ZNF467: variants seen among roughly 807,000 people sequenced by gnomAD.
ZNF467 encodes zinc finger protein EZI.
Under a neutral mutation model 47.8 loss-of-function variants are expected in ZNF467, and 51 were observed. That is an observed-to-expected ratio of 1.07 (90% CI 0.85 to 1.35). The LOEUF (loss-of-function observed/expected upper bound fraction) is 1.35, where lower values mean the gene tolerates loss of function less well. ZNF467 is among the 40% of genes most tolerant of loss of function. The pLI, the probability that ZNF467 is intolerant of heterozygous loss-of-function variation, is 0.00. For missense variants in ZNF467, 992 were observed against 858.1 expected (o/e 1.16, Z -1.95); for synonymous variants, 416 against 372.9 (o/e 1.12, Z -1.33).
Position 149,766,221 on chromosome 7 carries a change from C to T in ZNF467, c.281G>A (p.Arg94Gln). The change falls in exon 5 of 5, where the codon CGG becomes CAG. Residue 94 changes from arginine to glutamine, a missense_variant. By Grantham distance (43) the Arg-to-Gln change is conservative. Coordinates refer to ENST00000302017, the MANE Select transcript of ZNF467 (RefSeq NM_207336.3). ...ATCTTCGTCCTCCACCTTCACCTTCCGAATCATCCACTCCTCTCCTGGAAA... is the reference window on the plus strand; with the variant it reads ...ATCTTCGTCCTCCACCTTCACCTTCTGAATCATCCACTCCTCTCCTGGAAA... ...GTCPGEEWMI[R>Q]KVKVEDEDQE... 1 of 1,523,812 alleles carries T rather than the reference C, an allele frequency of 6.6e-7. No homozygotes were observed. The highest frequency in any genetic ancestry group is 1.8e-4 in the Middle Eastern group (1 of 5,602). 94.4% of individuals were successfully genotyped at this position (1,523,812 alleles called of 1,614,324 possible). A position where few individuals can be genotyped will look rare whatever the true frequency, so the allele number is the denominator to read the frequency against.
At position 149,764,758 on chromosome 7, in the gene ZNF467, A is replaced by G. The variant is rs1477522938; in HGVS notation, c.1744T>C (p.Trp582Arg). The change falls in exon 5 of 5, where the codon TGG becomes CGG. Residue 582 changes from tryptophan (W) to arginine (R), a missense_variant. Transcript: ENST00000302017. ...GGCGCCACCTCGGGGGGAGCGGACC[A>G]GGCTGGGGCCGCAAGGGCGGCGTCC... Reference protein sequence around the residue: ...APDAALAAPAWSAPPEVAPPP... With the variant: ...APDAALAAPARSAPPEVAPPP... 6.5e-7 allele frequency: 1 copy of G among 1,529,602 alleles called. No individual in the cohort carries two copies. Among genetic ancestry groups the G allele is most frequent in the Non-Finnish European group, 8.8e-7 (1 of 1,138,022 alleles). The allele number at this position is 1,529,602 out of a possible 1,614,324, so 94.8% of individuals were successfully genotyped here.
upstream of ZNF467, chr7:149,775,895 C>G (rs905214502): frequency 5.7e-6 from 3 of 530,402 alleles, no homozygotes; most frequent in African/African-American, 5.9e-5. Context: ...TAAAGCCCCC[C>G]ACAGCCCCCA....
upstream of ZNF467, among the ~76,000 whole-genome samples, chr7:149,775,209 G>T (rs1799541745): frequency 6.6e-6 from 1 of 152,204 alleles, no homozygotes; most frequent in Admixed American, 6.5e-5. Context: ...AGACCCCAGA[G>T]ACTCTAGGAG....
upstream of ZNF467, among the ~76,000 whole-genome samples, chr7:149,775,764 C>T (rs1290047775): frequency 6.6e-6 from 1 of 150,884 alleles, no homozygotes; most frequent in African/African-American, 2.5e-5. Context: ...CAAAGGGAAA[C>T]AGATGCACTG....
rs752090619 is a variant in ZNF467 at position 149,766,049 on chromosome 7, C to T, written c.453G>A (p.Gly151=). 1.9e-6 allele frequency: 3 copies of T among 1,603,478 alleles called. No individual in the cohort carries two copies. Among genetic ancestry groups the T allele is most frequent in the Non-Finnish European group, 2.6e-6 (3 of 1,174,970 alleles). The change falls in exon 5 of 5, where the codon GGG becomes GGA. Residue 151 remains glycine (G), a synonymous_variant. Transcript: ENST00000302017. ...PGALSGLALS[G]WGPMPEKPYG... is the part of the protein sequence containing the mutation. ...AGGGCTTCTCCGGCATCGGACCCCA[C>T]CCAGACAGCGCGAGCCCACTCAGTG...
chr7:149,771,119 T>A (rs1799392905), intron 1 of ZNF467, 45 bp from the exon 2 acceptor site: 1 of 1,571,466 alleles, frequency 6.4e-7, no homozygotes, highest in Non-Finnish European at 8.7e-7. Context: ...CCACGCCAGC[T>A]TCCACCTGGG....
Position 149,769,155 on chromosome 7 carries a change from G to A in ZNF467, c.197C>T (p.Ala66Val). The stretch of plus-strand genomic sequence containing the variant: ...CGCCTGGCCTCTGCAGGGAGCCTCG[G>A]CTTGTTCTGTGTGGGCACCTTCCTC... ...TPEEGAHTEQAEAPCRGQACS... is the reference protein window; with the variant it reads ...TPEEGAHTEQVEAPCRGQACS... Residue 66 changes from alanine (A) to valine (V), a missense_variant, in exon 4 of 5, where the codon GCC becomes GTC. Coordinates refer to ENST00000302017, the MANE Select transcript of ZNF467 (RefSeq NM_207336.3). The surrounding 1 kb of genome is among the most constrained non-coding windows in gnomAD (Gnocchi z 5.3). 1.3e-6 allele frequency: 2 copies of A among 1,563,064 alleles called. No individual in the cohort carries two copies. The highest frequency in any genetic ancestry group is 1.7e-6 in the Non-Finnish European group (2 of 1,152,700).
chr7:149,776,487 G>T (rs1267743354), upstream of ZNF467: 4 of 1,324,366 alleles, frequency 3.0e-6, no homozygotes, highest in Non-Finnish European at 2.0e-6. Context: ...GCCGCTCGGG[G>T]CTTACCCGGT....
At chr7:149,775,977 G>T, upstream of ZNF467, 1 of 1,260,680 alleles carries the variant, frequency 7.9e-7, no homozygotes, top group Non-Finnish European at 1.1e-6. Context: ...TGCCCTCTCT[G>T]CAGCATTGCC....
Position 149,765,838 on chromosome 7 carries a change from C to G in ZNF467, c.664G>C (p.Asp222His), listed in dbSNP as rs1218706054. 6.2e-7 allele frequency: 1 copy of G among 1,608,436 alleles called. No individual in the cohort carries two copies. The highest frequency in any genetic ancestry group is 1.1e-5 in the South Asian group (1 of 90,398). ...TGGGCCTTCTTGCTGAAGCGCTTGT[C>G]GCACTCGGAGCACGGGAAAGGCCGC... ...GERPFPCSEC[D>H]KRFSKKAHLT... is the part of the protein sequence containing the mutation. The change falls in exon 5 of 5, where the codon GAC (aspartate) becomes CAC (histidine). Residue 222 changes from aspartate to histidine, a missense_variant. Asp to His is a moderately conservative substitution (Grantham distance 81). Coordinates refer to ENST00000302017, the MANE Select transcript of ZNF467 (RefSeq NM_207336.3).
Position 149,765,144 on chromosome 7 carries a change from T to G in ZNF467, c.1358A>C (p.His453Pro). Residue 453 changes from histidine to proline, a missense_variant, in exon 5 of 5, where the codon CAC becomes CCC. His to Pro is a moderately conservative substitution (Grantham distance 77, BLOSUM62 -2). Transcript: ENST00000302017. ...GCAGGCGAAGGGCCGTTCGCCCGTG[T>G]GCACGCGCGGGTGCCGCGCCAGGTG... is the stretch of plus-strand genomic sequence containing the variant. ...GQHLARHPRV[H>P]TGERPFACTQ... The G allele has an allele frequency of 6.7e-7, 1 of 1,488,904 alleles. No individual in the cohort carries two copies. The highest frequency in any genetic ancestry group is 8.9e-7 in the Non-Finnish European group (1 of 1,123,960). The allele number at this position is 1,488,904 out of a possible 1,614,324, so 92.2% of individuals were successfully genotyped here. A position where few individuals can be genotyped will look rare whatever the true frequency, so the allele number is the denominator to read the frequency against.
At chr7:149,770,618 C>T (rs536949827) in intron 2 of ZNF467, 62 bp from the exon 3 acceptor site, 49 of 1,427,798 alleles carry the variant, frequency 3.4e-5, no homozygotes, top group Non-Finnish European at 4.3e-5. Flanking sequence ...TAATCAGAGG[C>T]GGGGGCTGTT....
chr7:149,767,401 C>A (rs1414781100), intron 4 of ZNF467, among the ~76,000 whole-genome samples: 3 of 152,250 alleles, frequency 2.0e-5, no homozygotes, highest in Non-Finnish European at 4.4e-5. Flanking sequence ...TTGATTCCAT[C>A]ACACGTGGAC....
chr7:149,769,814 G>A lies in ZNF467; in HGVS notation c.152-614C>T, dbSNP rs1206685129. 6.6e-6 allele frequency among the ~76,000 whole-genome samples: 1 copy of A among 152,158 alleles called. No individual in the cohort carries two copies. Among genetic ancestry groups the A allele is most frequent in the African/African-American group, 2.4e-5 (1 of 41,428 alleles). On this transcript the variant is annotated intron_variant, in intron 3 of 4. Transcript: ENST00000302017. The surrounding 1 kb of genome is among the most constrained non-coding windows in gnomAD (Gnocchi z 5.3). ...TCCTGCCCCAGCCTCCCAAGTAGCT[G>A]GGAACACAGGCATGAGCCACCACAT...
chr7:149,764,700 C>A lies in ZNF467; in HGVS notation c.*14G>T. The A allele has an allele frequency of 6.3e-7, 1 of 1,583,050 alleles. No individual in the cohort carries two copies. The highest frequency in any genetic ancestry group is 8.6e-7 in the Non-Finnish European group (1 of 1,161,354). On this transcript the variant is annotated 3_prime_UTR_variant, in exon 5 of 5. Coordinates refer to ENST00000302017, the MANE Select transcript of ZNF467 (RefSeq NM_207336.3). ...GAAACTGTGGGCAAGAAAGGGTCCT[C>A]GTGAGAACTAGGCTCAGAAGAAGAG...
chr7:149,770,414 G>C, intron 3 of ZNF467, 26 bp downstream of exon 3: 1 of 1,572,560 alleles, frequency 6.4e-7, no homozygotes, highest in Non-Finnish European at 8.7e-7. Context: ...TCCTCCCTGA[G>C]CCTTTCCAGG....
intron 4 of ZNF467, among the ~76,000 whole-genome samples, chr7:149,767,066 C>A (rs1287690454): frequency 2.6e-5 from 4 of 152,190 alleles, no homozygotes; most frequent in Non-Finnish European, 4.4e-5. Context: ...ATGGTCCAGC[C>A]TAGAGGAAGG....
In ZNF467 at chr7:149,765,249, G is replaced by A; in HGVS notation, c.1253C>T (p.Pro418Leu). ...GGPGCGPGSD[P>L]VVPQRAPSGE... ...CGAGGGGGCGCGCTGGGGCACCACG[G>A]GATCGGATCCTGGGCCGCAGCCCGG... is the stretch of plus-strand genomic sequence containing the variant. The change falls in exon 5 of 5, where the codon CCC (proline) becomes CTC (leucine). Residue 418 changes from proline (P) to leucine (L), a missense_variant. Transcript: ENST00000302017. The A allele has an allele frequency of 6.8e-7, 1 of 1,460,548 alleles. No homozygotes were observed. Among genetic ancestry groups the A allele is most frequent in the Non-Finnish European group, 9.0e-7 (1 of 1,108,076 alleles). 90.5% of individuals were successfully genotyped at this position (1,460,548 alleles called of 1,614,324 possible).
upstream of ZNF467, among the ~76,000 whole-genome samples, chr7:149,774,965 G>A (rs1002743566): frequency 6.6e-6 from 1 of 152,142 alleles, no homozygotes; most frequent in African/African-American, 2.4e-5. The surrounding 1 kb of genome is among the most constrained non-coding windows in gnomAD (Gnocchi z 5.7). Context: ...GAGACCGAGG[G>A]GTGTGGAGTC....
Sources: allele counts gnomAD v4.1 joint callset (sites outside exome capture counted in the v4.1 genomes callset), GRCh38; gene constraint gnomAD v4.1.1; non-coding constraint Gnocchi (gnomAD v3.1); transcripts MANE v1.5; gene names NCBI Gene and HGNC (gene_info 2026-07-23, HGNC 2026-07-21).